Variants in DLGAP5 observed in about 807,000 individuals in gnomAD.
DLGAP5 encodes disks large-associated protein 5.
A neutral mutation model predicts 99.6 loss-of-function variants in DLGAP5; 90 were observed. The observed-to-expected ratio is 0.90, with a 90% CI of 0.76 to 1.08. The LOEUF is 1.08. DLGAP5 is among the 50% of genes least tolerant of loss of function. The probability of loss-of-function intolerance (pLI) is 0.00; values close to 1 mark genes in which losing one functional copy is unlikely to be tolerated. For missense variants in DLGAP5, 1,036 were observed against 983.5 expected (o/e 1.05, Z -0.71); for synonymous variants, 311 against 321.3 (o/e 0.97, Z 0.34).
At chr14:55,163,142 A>T (rs1430505439) in intron 12 of DLGAP5, 67 bp from the exon 13 acceptor site, 2 of 898,106 alleles carry the variant, frequency 2.2e-6, no homozygotes, top group Non-Finnish European at 3.2e-6. Flanking sequence ...GAATGAGCTG[A>T]AGACTAAAAA....
At chr14:55,148,717 A>AT (rs1246557430) in intron 18 of DLGAP5, 1 of 622,704 alleles carries the variant, frequency 1.6e-6, no homozygotes, top group African/African-American at 1.8e-5. Context: ...ACACGTAAAC[A>AT]TTTTCCCTAT....
chr14:55,162,543 C>T (rs1230268125), intron 13 of DLGAP5, among the ~76,000 whole-genome samples: 3 of 150,648 alleles, frequency 2.0e-5, no homozygotes, highest in Non-Finnish European at 2.9e-5. Flanking sequence ...GGCGTGAACC[C>T]GGGAGGCGGA....
intron 1 of DLGAP5, among the ~76,000 whole-genome samples, chr14:55,190,708 A>G (rs972441855): frequency 6.6e-6 from 1 of 152,224 alleles, no homozygotes; most frequent in Non-Finnish European, 1.5e-5. Context: ...ACAAAATATA[A>G]AAAACGAGAA....
At chr14:55,162,565 G>A (rs1013909552) in intron 13 of DLGAP5, among the ~76,000 whole-genome samples, 4 of 151,278 alleles carry the variant, frequency 2.6e-5, no homozygotes, top group African/African-American at 7.3e-5. Flanking sequence ...CTGGCAGTGA[G>A]CTGAGATCAC....
intron 3 of DLGAP5, among the ~76,000 whole-genome samples, chr14:55,183,230 G>A (rs2139529146): frequency 6.6e-6 from 1 of 152,098 alleles, no homozygotes; most frequent in South Asian, 2.1e-4. Flanking sequence ...TAGGGCTATG[G>A]TATTTTCCTG....
chr14:55,174,441 T>C (rs1026224204), intron 10 of DLGAP5, among the ~76,000 whole-genome samples: 1 of 152,200 alleles, frequency 6.6e-6, no homozygotes, highest in African/African-American at 2.4e-5. Context: ...TGTAAAGTAC[T>C]TGATGTCTGT....
chr14:55,181,431 C>A (rs926989770), intron 4 of DLGAP5, 134 bp from the exon 5 acceptor site: 2 of 605,810 alleles, frequency 3.3e-6, no homozygotes, highest in Non-Finnish European at 5.4e-6. Flanking sequence ...AAAAAACTAC[C>A]CCAAATAAAA....
At position 55,172,132 on chromosome 14, in the gene DLGAP5, C is replaced by CT. The variant is rs542562412; in HGVS notation, c.1302-1346dup. ...CTGCAAGCCTCAGCCTCCCAAAGTG[C>CT]TGGGATTACAGGTGGGAGCCACCGA... On this transcript the variant is annotated intron_variant, in intron 10 of 18. Coordinates refer to ENST00000247191, the MANE Select transcript of DLGAP5 (RefSeq NM_014750.5). 1.4e-4 allele frequency among the ~76,000 whole-genome samples: 21 copies of CT among 151,290 alleles called. No homozygotes were observed. The South Asian group carries it at 2.7e-3, about 19-fold the overall frequency.
In DLGAP5 at chr14:55,187,068, G is replaced by T. The variant is rs908839179; in HGVS notation, c.238+1874C>A. Among the ~76,000 whole-genome samples the T allele has an allele frequency of 8.6e-5, 13 of 151,902 alleles. No homozygotes were observed. In the East Asian group the frequency reaches 2.5e-3, roughly 30 times the overall value. Reference sequence around the variant, plus strand: ...GGACTACAGGCACGCGCCACACCCAGCTGATTTTTGTATTTTTAGTAGAGA... The same window carrying T: ...GGACTACAGGCACGCGCCACACCCATCTGATTTTTGTATTTTTAGTAGAGA... On this transcript the variant is annotated intron_variant, in intron 2 of 18. Coordinates refer to ENST00000247191, the MANE Select transcript of DLGAP5 (RefSeq NM_014750.5).
intron 12 of DLGAP5, among the ~76,000 whole-genome samples, chr14:55,166,008 A>C (rs1882631196): frequency 6.6e-6 from 1 of 152,254 alleles, no homozygotes; most frequent in Admixed American, 6.5e-5. Flanking sequence ...TTTCTTAAAA[A>C]GTTAAACATA....
At chr14:55,190,087 T>G (rs1594688348) in intron 1 of DLGAP5, among the ~76,000 whole-genome samples, 1 of 152,178 alleles carries the variant, frequency 6.6e-6, no homozygotes. Flanking sequence ...ACCAAATATA[T>G]AGTTCACAAT....
chr14:55,176,956 C>A (rs1168709629), intron 8 of DLGAP5, 106 bp downstream of exon 8: 9 of 965,606 alleles, frequency 9.3e-6, no homozygotes, highest in Non-Finnish European at 1.0e-5. Flanking sequence ...CCAGCCTGGG[C>A]GACAGAGCGA....
chr14:55,179,603 G>A (rs1240796896), intron 7 of DLGAP5, 26 bp downstream of exon 7: 1 of 1,575,752 alleles, frequency 6.3e-7, no homozygotes, highest in African/African-American at 1.4e-5. Flanking sequence ...AAAGCATCTA[G>A]AATTAAAAAG....
chr14:55,183,477 G>A, intron 3 of DLGAP5, 83 bp downstream of exon 3: 1 of 1,182,700 alleles, frequency 8.5e-7, no homozygotes, highest in Middle Eastern at 2.7e-4. Context: ...ATGAGACTAA[G>A]GGAAAGGGGT....
chr14:55,154,881 A>C, intron 14 of DLGAP5, 75 bp from the exon 15 acceptor site: 1 of 1,296,084 alleles, frequency 7.7e-7, no homozygotes, highest in Non-Finnish European at 1.1e-6. Flanking sequence ...TACGGTGAAA[A>C]TCCTATCAAT....
intron 12 of DLGAP5, among the ~76,000 whole-genome samples, chr14:55,167,956 A>G (rs946882331): frequency 2.6e-5 from 4 of 152,210 alleles, no homozygotes; most frequent in African/African-American, 9.7e-5. Flanking sequence ...TAAACACTCA[A>G]CAGGCTCCTT....
intron 11 of DLGAP5, among the ~76,000 whole-genome samples, chr14:55,169,850 T>C (rs966367391): frequency 1.3e-5 from 2 of 150,426 alleles, no homozygotes; most frequent in African/African-American, 4.8e-5. Context: ...TGGTGGCTCA[T>C]GCCTGCGGGC....
intron 6 of DLGAP5, 35 bp downstream of exon 6, chr14:55,180,621 T>C: frequency 6.2e-7 from 1 of 1,612,812 alleles, no homozygotes; most frequent in Non-Finnish European, 8.5e-7. Flanking sequence ...GACCAAACAT[T>C]CTAGTTCAGT....
Position 55,177,047 on chromosome 14 carries a change from AG to A in DLGAP5, c.1049+14del. The A allele has an allele frequency of 7.4e-7, 1 of 1,349,480 alleles. No individual in the cohort carries two copies. Among genetic ancestry groups the A allele is most frequent in the Non-Finnish European group, 9.6e-7 (1 of 1,040,446 alleles). The allele number at this position is 1,349,480 out of a possible 1,614,324, so 83.6% of individuals were successfully genotyped here. Reference sequence around the variant, plus strand: ...CATCTTAGCAAGAGACTTATTATTAAGATCATATTCTTACACTTCTGTTTTT... The same window carrying A: ...CATCTTAGCAAGAGACTTATTATTAAATCATATTCTTACACTTCTGTTTTT... On this transcript the variant is annotated intron_variant, in intron 8 of 18. Transcript: ENST00000247191.
Sources: gnomAD v4.1 joint callset for allele counts (sites outside exome capture counted in the v4.1 genomes callset) on GRCh38, gnomAD v4.1.1 for gene constraint, MANE v1.5 for transcripts, NCBI Gene and HGNC (gene_info 2026-07-23, HGNC 2026-07-21) for gene names.